CCDC3: variants seen among roughly 807,000 people sequenced by gnomAD.
CCDC3 encodes coiled-coil domain-containing protein 3.
A neutral mutation model predicts 21.4 loss-of-function variants in CCDC3; 24 were observed. The observed-to-expected ratio is 1.12, with a 90% CI of 0.81 to 1.58. The LOEUF (loss-of-function observed/expected upper bound fraction) is 1.58, where lower values mean the gene tolerates loss of function less well. Among genes scored for constraint, CCDC3 ranks in the 40% most tolerant of loss-of-function variants. The pLI is 0.00. For missense variants in CCDC3, 425 were observed against 360.9 expected (o/e 1.18, Z -1.44); for synonymous variants, 186 against 166.0 (o/e 1.12, Z -0.93).
At chr10:12,975,075 C>T (rs552623616) in intron 2 of CCDC3, among the ~76,000 whole-genome samples, 1 of 152,314 alleles carries the variant, frequency 6.6e-6, no homozygotes, top group Non-Finnish European at 1.5e-5. Flanking sequence ...GGAGTCTCGT[C>T]CATGCCAAAC....
chr10:12,947,793 T>C (rs557738201), intron 2 of CCDC3, among the ~76,000 whole-genome samples: 5 of 152,332 alleles, frequency 3.3e-5, no homozygotes, highest in African/African-American at 9.6e-5. Context: ...GAGCAGTGGA[T>C]TGACTTCCTT....
chr10:13,003,155 A>G (rs181949207), upstream of CCDC3, among the ~76,000 whole-genome samples: 1 of 152,314 alleles, frequency 6.6e-6, no homozygotes, highest in African/African-American at 2.4e-5. Context: ...AGGGATCCCA[A>G]ATGGTTTATA....
At chr10:12,923,986 G>C (rs1176738957) in intron 2 of CCDC3, among the ~76,000 whole-genome samples, 2 of 152,180 alleles carry the variant, frequency 1.3e-5, no homozygotes, top group Non-Finnish European at 2.9e-5. Context: ...CCTTTGATAG[G>C]TGAATGAAAC....
At chr10:12,989,305 A>G (rs1384883471) in intron 2 of CCDC3, among the ~76,000 whole-genome samples, 1 of 152,290 alleles carries the variant, frequency 6.6e-6, no homozygotes. Flanking sequence ...GGCTCAGTCA[A>G]TACCTCCCTT....
chr10:13,080,507 A>T (rs188889504), intron 3 of CCDC3, among the ~76,000 whole-genome samples: 31 of 152,352 alleles, frequency 2.0e-4, no homozygotes, highest in African/African-American at 7.5e-4. Context: ...ACTTTTAGTA[A>T]AAGGATTATA....
At chr10:13,019,502 G>A (rs976749022) in intron 5 of CCDC3, among the ~76,000 whole-genome samples, 90 of 90,546 alleles carry the variant, frequency 9.9e-4, no homozygotes, top group African/African-American at 2.6e-3. Context: ...CTGTGTTCTC[G>A]TTGTAGAGGT....
intron 2 of CCDC3, among the ~76,000 whole-genome samples, chr10:12,986,033 G>A (rs555577620): frequency 7.9e-5 from 12 of 152,232 alleles, no homozygotes; most frequent in South Asian, 2.1e-4. Context: ...CCGCCACCAC[G>A]CCCAGTTAAC....
chr10:13,046,413 GA>G (rs367886080), intron 5 of CCDC3, among the ~76,000 whole-genome samples: 20,893 of 125,508 alleles, frequency 0.17, 1,921 homozygotes, highest in African/African-American at 0.29. Flanking sequence ...CTCAAAAAAA[GA>G]AAAAAAAAAA....
chr10:13,079,624 C>T (rs1207682986), intron 3 of CCDC3, among the ~76,000 whole-genome samples: 3 of 152,190 alleles, frequency 2.0e-5, no homozygotes, highest in Non-Finnish European at 4.4e-5. Flanking sequence ...ATTCCTTAGA[C>T]AGAATGTCTT....
chr10:12,938,581 T>C (rs1834774669), intron 2 of CCDC3, among the ~76,000 whole-genome samples: 1 of 152,226 alleles, frequency 6.6e-6, no homozygotes, highest in African/African-American at 2.4e-5. Flanking sequence ...TACTCAATCA[T>C]TCCATGCTTA....
At chr10:12,998,606 A>T (rs1489292024) in intron 1 of CCDC3, 94 bp from the exon 2 acceptor site, 5 of 1,115,992 alleles carry the variant, frequency 4.5e-6, no homozygotes, top group Non-Finnish European at 5.2e-6. Context: ...CGGGCTTGCC[A>T]ATTTCACATC....
intron 2 of CCDC3, among the ~76,000 whole-genome samples, chr10:12,957,413 A>G (rs1835106229): frequency 6.6e-6 from 1 of 152,246 alleles, no homozygotes. Context: ...ACAGAAACAT[A>G]AAAGTCTGCT....
chr10:12,965,831 C>T (rs2580909), intron 2 of CCDC3, among the ~76,000 whole-genome samples: 73,120 of 152,072 alleles, frequency 0.48, 17,793 homozygotes, highest in South Asian at 0.51. Context: ...GGCTTCGTGA[C>T]ATACACACGT....
At chr10:13,051,890 A>T (rs1836612999) in intron 4 of CCDC3, among the ~76,000 whole-genome samples, 2 of 152,144 alleles carry the variant, frequency 1.3e-5, no homozygotes, top group Non-Finnish European at 2.9e-5. Flanking sequence ...TTCCGCTTGG[A>T]CAGGACAATG....
intron 2 of CCDC3, among the ~76,000 whole-genome samples, chr10:12,970,500 G>A (rs887767784): frequency 4.6e-5 from 7 of 152,180 alleles, no homozygotes; most frequent in African/African-American, 1.7e-4. Flanking sequence ...TTAGCTTGAT[G>A]TAGCCATTCT....
At chr10:12,920,761 C>T (rs114402857) in intron 2 of CCDC3, among the ~76,000 whole-genome samples, 14 of 152,292 alleles carry the variant, frequency 9.2e-5, no homozygotes, top group East Asian at 1.9e-4. Context: ...ATTATAAAAG[C>T]GAAGCTCAGA....
chr10:12,932,639 T>TA (rs1325898925), intron 2 of CCDC3, among the ~76,000 whole-genome samples: 15 of 152,232 alleles, frequency 9.9e-5, no homozygotes, highest in African/African-American at 3.6e-4. Flanking sequence ...CCTCAATCTG[T>TA]ATACCTTTGA....
At chr10:12,927,443 AGTTT>A (rs1162520564) in intron 2 of CCDC3, among the ~76,000 whole-genome samples, 2 of 152,190 alleles carry the variant, frequency 1.3e-5, no homozygotes, top group African/African-American at 2.4e-5. Context: ...TTTTATATTT[AGTTT>A]GTTTACATCA....
At position 12,986,755 on chromosome 10, in the gene CCDC3, A is replaced by G. The variant is rs1212170504; in HGVS notation, c.549+11583T>C. ...GCCACTGCACCCCAGCCTGGGCGGCAGAGCGAGACTCCGTCTCAAAAAAAA... is the reference window on the plus strand; with the variant it reads ...GCCACTGCACCCCAGCCTGGGCGGCGGAGCGAGACTCCGTCTCAAAAAAAA... On this transcript the variant is annotated intron_variant, in intron 2 of 2. Transcript: ENST00000378825. Among the ~76,000 whole-genome samples, 5 of 150,838 alleles carry G rather than the reference A, an allele frequency of 3.3e-5. No individual in the cohort carries two copies. The East Asian group carries it at 5.9e-4, about 18-fold the overall frequency.
Sources: gnomAD v4.1 joint callset for allele counts (sites outside exome capture counted in the v4.1 genomes callset) on GRCh38, gnomAD v4.1.1 for gene constraint, MANE v1.5 for transcripts, NCBI Gene and HGNC (gene_info 2026-07-23, HGNC 2026-07-21) for gene names.